The following ASCC2 variants were observed in gnomAD, a reference collection of about 807,000 sequenced individuals.
ASCC2 encodes ASC-1 complex subunit P100.
In ASCC2, 42 loss-of-function variants were observed where a neutral mutation model predicts 93.5. That is an observed-to-expected ratio of 0.45 (90% CI 0.35 to 0.58). ASCC2 has a LOEUF of 0.58. ASCC2 is among the 20% of genes least tolerant of loss of function. The pLI is 0.00. For missense variants in ASCC2, 859 were observed against 977.6 expected, an observed-to-expected ratio of 0.88 and a Z score of 1.62; for synonymous variants, 364 against 384.2, an observed-to-expected ratio of 0.95 and a Z score of 0.62.
At chr22:29,826,743 G>A (rs2062388158) in intron 2 of ASCC2, among the ~76,000 whole-genome samples, 1 of 152,056 alleles carries the variant, frequency 6.6e-6, no homozygotes, top group Non-Finnish European at 1.5e-5. Context: ...TCCCTGCAGA[G>A]GTAACCACTC....
At position 29,788,907 on chromosome 22, in the gene ASCC2, AG is replaced by A. The variant is rs1031740435; in HGVS notation, c.*105del. ...AGGGGCTGCAAAGCTGAGGCTGTTGAGGGGTTGAGTTGAACTTGGGGCCCCT... is the reference window on the plus strand; with the variant it reads ...AGGGGCTGCAAAGCTGAGGCTGTTGAGGGTTGAGTTGAACTTGGGGCCCCT... On this transcript the variant is annotated 3_prime_UTR_variant, in exon 20 of 20. Transcript: ENST00000307790. 2.0e-5 allele frequency: 28 copies of A among 1,382,908 alleles called. No homozygotes were observed. The African/African-American group carries it at 3.9e-4, about 19-fold the overall frequency. The allele number at this position is 1,382,908 out of a possible 1,614,324, so 85.7% of individuals were successfully genotyped here. A position where few individuals can be genotyped will look rare whatever the true frequency, so the allele number is the denominator to read the frequency against.
intron 1 of ASCC2, 121 bp from the exon 2 acceptor site, chr22:29,832,463 T>G (rs2063272920): frequency 4.0e-6 from 3 of 758,162 alleles, no homozygotes; most frequent in Admixed American, 2.9e-5. Context: ...AGGAGGCTCC[T>G]GTTGTGGTTC....
Position 29,806,777 on chromosome 22 carries a change from G to A in ASCC2, c.1016+20C>T. The A allele has an allele frequency of 6.3e-7, 1 of 1,581,546 alleles. No homozygotes were observed. The highest frequency in any genetic ancestry group is 8.7e-7 in the Non-Finnish European group (1 of 1,150,690). The stretch of plus-strand genomic sequence containing the variant: ...TGGGGAGGAGACTCTTCCACCAGGA[G>A]GCAATTCGTGAGGGCTTACCTGCTT... On this transcript the variant is annotated intron_variant, in intron 10 of 19. Coordinates refer to ENST00000307790, the MANE Select transcript of ASCC2 (RefSeq NM_032204.5).
chr22:29,808,137 A>T lies in ASCC2; in HGVS notation c.882T>A (p.Ile294=), dbSNP rs1363318294. The T allele has an allele frequency of 6.2e-7, 1 of 1,614,230 alleles. No homozygotes were observed. The highest frequency in any genetic ancestry group is 1.3e-5 in the African/African-American group (1 of 75,050). ...EAAIPEMESA[I]KKRRLEDSKL... is the part of the protein sequence containing the mutation. ...TGCTATCTTCAAGCCTCCTCTTCTT[A>T]ATTGCAGACTCCATTTCGGGAATTG... The change falls in exon 9 of 20, where the codon ATT becomes ATA. Residue 294 remains isoleucine, a synonymous_variant. Transcript: ENST00000307790.
At chr22:29,800,889 A>G (rs1366389129) in intron 15 of ASCC2, 102 bp downstream of exon 15, 9 of 1,412,102 alleles carry the variant, frequency 6.4e-6, no homozygotes, top group Non-Finnish European at 8.6e-6. Context: ...CTGTGCTGAT[A>G]CTCCATGGCC....
chr22:29,806,101 G>C (rs1417440801), intron 12 of ASCC2, 115 bp downstream of exon 12: 1 of 1,154,590 alleles, frequency 8.7e-7, no homozygotes, highest in African/African-American at 1.5e-5. Flanking sequence ...ACAGCTGGCT[G>C]ACCCATGCGT....
chr22:29,834,057 T>G (rs1022781821), intron 1 of ASCC2: 1 of 164,554 alleles, frequency 6.1e-6, no homozygotes, highest in African/African-American at 2.4e-5. Flanking sequence ...GTTAACTGGC[T>G]TTACATGTAT....
At chr22:29,795,736 G>C (rs916364317) in intron 15 of ASCC2, among the ~76,000 whole-genome samples, 1 of 152,142 alleles carries the variant, frequency 6.6e-6, no homozygotes, top group Non-Finnish European at 1.5e-5. Flanking sequence ...GCACAGCTTC[G>C]GCAGGGACTG....
At chr22:29,808,948 C>T (rs988944968) in intron 8 of ASCC2, among the ~76,000 whole-genome samples, 3 of 151,474 alleles carry the variant, frequency 2.0e-5, no homozygotes, top group Admixed American at 6.6e-5. Flanking sequence ...GGTGAAGCCC[C>T]GTCTCTACTA....
At chr22:29,820,091 TG>T (rs1385851411) in intron 5 of ASCC2, among the ~76,000 whole-genome samples, 1 of 152,064 alleles carries the variant, frequency 6.6e-6, no homozygotes, top group African/African-American at 2.4e-5. Context: ...GATTAACTGA[TG>T]ATCAGGAAAT....
intron 4 of ASCC2, 53 bp from the exon 5 acceptor site, chr22:29,822,517 T>C (rs2061686688): frequency 3.1e-6 from 5 of 1,596,268 alleles, no homozygotes; most frequent in Admixed American, 3.4e-5. Context: ...ACTCCTACAT[T>C]ATAAATAGCA....
At chr22:29,831,992 C>G (rs569705365) in intron 2 of ASCC2, among the ~76,000 whole-genome samples, 7 of 152,200 alleles carry the variant, frequency 4.6e-5, no homozygotes, top group African/African-American at 1.7e-4. Context: ...TGCCATTGGA[C>G]TGATTTGAAA....
intron 13 of ASCC2, among the ~76,000 whole-genome samples, chr22:29,804,271 T>C (rs73392894): frequency 6.6e-6 from 1 of 152,176 alleles, no homozygotes; most frequent in East Asian, 1.9e-4. Context: ...GGCCAAACCA[T>C]GGGACTTGGC....
At chr22:29,790,417 C>A in intron 19 of ASCC2, 52 bp downstream of exon 19, 1 of 1,601,548 alleles carries the variant, frequency 6.2e-7, no homozygotes. Flanking sequence ...TGGCTAGGCC[C>A]TCCCCAGATG....
Position 29,825,955 on chromosome 22 carries a change from A to C in ASCC2, c.82-175T>G. 1.6e-6 allele frequency: 1 copy of C among 615,472 alleles called. No homozygotes were observed. The highest frequency in any genetic ancestry group is 2.8e-6 in the Non-Finnish European group (1 of 362,932). The allele number at this position is 615,472 out of a possible 1,614,324, so 38.1% of individuals were successfully genotyped here. ...GAGGGCATGGTTGCATTCAGCGAACACTAGGCGGTAATTAAAATCCATGTT... is the reference window on the plus strand; with the variant it reads ...GAGGGCATGGTTGCATTCAGCGAACCCTAGGCGGTAATTAAAATCCATGTT... On this transcript the variant is annotated intron_variant, in intron 2 of 19. Coordinates refer to ENST00000307790, the MANE Select transcript of ASCC2 (RefSeq NM_032204.5). This position sits in a 1 kb window ranked among gnomAD's most constrained non-coding sequence, Gnocchi z 4.9.
rs1601750508 is a variant in ASCC2, at chr22:29,789,136, A to G, written c.2151T>C (p.His717=). Residue 717 remains histidine, a synonymous_variant, in exon 20 of 20, where the codon CAT becomes CAC. Transcript: ENST00000307790. ...CCTGGGTTGTCTCGCGGCTCTGCCC[A>G]TGGCCTCGGGGGCTGCCGGCCACTG... ...STAVAGSPRG[H]GQSRETTQER... is the part of the protein sequence containing the mutation. 1.2e-6 allele frequency: 2 copies of G among 1,613,746 alleles called. No homozygotes were observed. Among genetic ancestry groups the G allele is most frequent in the South Asian group, 2.2e-5 (2 of 91,066 alleles).
rs747091730 is a variant in ASCC2 at position 29,838,227 on chromosome 22, C to G, written c.-67G>C. The G allele has an allele frequency of 2.1e-6, 1 of 467,534 alleles. No homozygotes were observed. Among genetic ancestry groups the G allele is most frequent in the Admixed American group, 2.3e-5 (1 of 42,682 alleles). The allele number at this position is 467,534 out of a possible 1,614,324, so 29.0% of individuals were successfully genotyped here. A position where few individuals can be genotyped will look rare whatever the true frequency, so the allele number is the denominator to read the frequency against. On this transcript the variant is annotated 5_prime_UTR_variant, in exon 1 of 20. Transcript: ENST00000307790. Reference sequence around the variant, plus strand: ...GTGCCGCCGCCGCCGCCGCCGCCGCCGACCACGGTGACAGCTCCCTGAGCG... The same window carrying G: ...GTGCCGCCGCCGCCGCCGCCGCCGCGGACCACGGTGACAGCTCCCTGAGCG...
chr22:29,793,755 A>G, intron 15 of ASCC2, 79 bp from the exon 16 acceptor site: 2 of 1,312,976 alleles, frequency 1.5e-6, no homozygotes, highest in Non-Finnish European at 1.1e-6. Flanking sequence ...TCCAGAGACC[A>G]CAGGCTTAAC....
chr22:29,791,910 T>A (rs1342675033), intron 18 of ASCC2, among the ~76,000 whole-genome samples: 1 of 152,166 alleles, frequency 6.6e-6, no homozygotes, highest in South Asian at 2.1e-4. Context: ...CCCAGAAACA[T>A]CTGAATTTGT....
Sources: gnomAD v4.1 joint callset for allele counts (sites outside exome capture counted in the v4.1 genomes callset) on GRCh38, gnomAD v4.1.1 for gene constraint, Gnocchi (gnomAD v3.1) non-coding constraint, MANE v1.5 for transcripts, NCBI Gene and HGNC (gene_info 2026-07-23, HGNC 2026-07-21) for gene names.